STRBP: variants seen among roughly 807,000 people sequenced by gnomAD.
STRBP encodes the protein spermatid perinuclear RNA-binding protein.
Under a neutral mutation model 80.1 loss-of-function variants are expected in STRBP, and 13 were observed. The observed-to-expected ratio is 0.16, with a 90% CI of 0.11 to 0.26. The LOEUF is 0.26. Among genes scored for constraint, STRBP ranks in the 10% least tolerant of loss-of-function variants. The probability of loss-of-function intolerance (pLI) is 1.00; values close to 1 mark genes in which losing one functional copy is unlikely to be tolerated. For synonymous variants in STRBP, 284 were observed against 291.2 expected, an observed-to-expected ratio of 0.98 and a Z score of 0.25; for missense variants, 485 against 815.2, an observed-to-expected ratio of 0.59 and a Z score of 4.93.
intron 1 of STRBP, among the ~76,000 whole-genome samples, chr9:123,240,112 TC>T (rs1485084801): frequency 6.6e-6 from 1 of 152,238 alleles, no homozygotes; most frequent in African/African-American, 2.4e-5. Flanking sequence ...AAGTTCCAAC[TC>T]CTCCAAGAAA....
Position 123,125,035 on chromosome 9 carries a change from A to G in STRBP, c.*562T>C. The G allele has an allele frequency of 1.0e-6, 1 of 985,514 alleles. No individual in the cohort carries two copies. Among genetic ancestry groups the G allele is most frequent in the Non-Finnish European group, 1.2e-6 (1 of 829,586 alleles). The allele number at this position is 985,514 out of a possible 1,614,324, so 61.0% of individuals were successfully genotyped here. A position where few individuals can be genotyped will look rare whatever the true frequency, so the allele number is the denominator to read the frequency against. On this transcript the variant is annotated 3_prime_UTR_variant, in exon 19 of 19. Transcript: ENST00000348403. ...CATATCAAAAATAATAAGCTAAAAC[A>G]ATATTCAAACCCATATTTTATTGGC...
downstream of STRBP, among the ~76,000 whole-genome samples, chr9:123,119,771 CAT>C (rs2035701306): frequency 6.6e-6 from 1 of 152,154 alleles, no homozygotes; most frequent in Non-Finnish European, 1.5e-5. Flanking sequence ...CTGTTCAAAA[CAT>C]ATTATGTGTA....
Position 123,139,663 on chromosome 9 carries a change from T to C in STRBP, c.1363A>G (p.Thr455Ala), listed in dbSNP as rs764286244. 2 of 1,612,148 alleles carry C rather than the reference T, an allele frequency of 1.2e-6. No homozygotes were observed. Among genetic ancestry groups the C allele is most frequent in the Non-Finnish European group, 1.7e-6 (2 of 1,179,678 alleles). ...VKVLQAMGYP[T>A]GFDADIECMS... ...CATTCAATATCTGCATCAAAGCCTG[T>C]TGGATATCCCATTGCCTGCAATACC... Residue 455 changes from threonine (T) to alanine (A), a missense_variant, in exon 14 of 19, where the codon ACA becomes GCA. By Grantham distance (58) the Thr-to-Ala change is moderately conservative. Transcript: ENST00000348403.
At chr9:123,216,341 A>G (rs1181550349) in intron 2 of STRBP, among the ~76,000 whole-genome samples, 1 of 152,232 alleles carries the variant, frequency 6.6e-6, no homozygotes, top group African/African-American at 2.4e-5. Context: ...CAATGCCTAG[A>G]TAGTAAGCTC....
At chr9:123,199,357 A>T (rs1588087274) in intron 2 of STRBP, among the ~76,000 whole-genome samples, 1 of 152,316 alleles carries the variant, frequency 6.6e-6, no homozygotes, top group Middle Eastern at 3.4e-3. Context: ...GGCTTTGACT[A>T]CGCAGGCTCT....
At chr9:123,210,445 GA>G (rs1343530259) in intron 2 of STRBP, among the ~76,000 whole-genome samples, 1 of 150,542 alleles carries the variant, frequency 6.6e-6, no homozygotes, top group African/African-American at 2.4e-5. Flanking sequence ...CCAGGAGTAG[GA>G]TAAGAAAAAA....
chr9:123,180,813 T>C, intron 3 of STRBP: 1 of 557,494 alleles, frequency 1.8e-6, no homozygotes, highest in Non-Finnish European at 2.3e-6. Context: ...TTAGTGAGTT[T>C]TCCATAAAGC....
intron 2 of STRBP, among the ~76,000 whole-genome samples, chr9:123,201,134 A>G (rs2039311234): frequency 6.6e-6 from 1 of 152,032 alleles, no homozygotes; most frequent in Admixed American, 6.5e-5. Flanking sequence ...TTCTTGATTA[A>G]TCTAGCTCAT....
At position 123,181,321 on chromosome 9, in the gene STRBP, T is replaced by TA. The variant is rs1263476892; in HGVS notation, c.4-2095dup. ...GAGTTGGAAATGCTAGGCTGTTAGC[T>TA]AGGCTCATGTACTTGCTAAATTACC... On this transcript the variant is annotated intron_variant, in intron 3 of 18. Coordinates refer to ENST00000348403, the MANE Select transcript of STRBP (RefSeq NM_018387.5). 3.9e-5 allele frequency among the ~76,000 whole-genome samples: 6 copies of TA among 152,198 alleles called. No homozygotes were observed. The East Asian group carries it at 1.2e-3, about 29-fold the overall frequency.
At chr9:123,185,074 A>G (rs1348664357) in intron 2 of STRBP, among the ~76,000 whole-genome samples, 1 of 152,074 alleles carries the variant, frequency 6.6e-6, no homozygotes, top group East Asian at 1.9e-4. Context: ...TTATAAACCT[A>G]GCTACAAGAA....
chr9:123,194,008 G>C (rs1462728841), intron 2 of STRBP, among the ~76,000 whole-genome samples: 1 of 152,144 alleles, frequency 6.6e-6, no homozygotes, highest in Non-Finnish European at 1.5e-5. Flanking sequence ...TTAGTTGTAA[G>C]AATGACTAGG....
intron 2 of STRBP, among the ~76,000 whole-genome samples, chr9:123,200,015 G>A (rs554704200): frequency 6.6e-6 from 1 of 152,228 alleles, no homozygotes; most frequent in South Asian, 2.1e-4. Context: ...GTCATAGACG[G>A]CTTTTATTAT....
chr9:123,187,888 A>C lies in STRBP; in HGVS notation c.-164-3590T>G, dbSNP rs201206891. Among the ~76,000 whole-genome samples, 3 of 152,088 alleles carry C rather than the reference A, an allele frequency of 2.0e-5. No individual in the cohort carries two copies. In the East Asian group the frequency reaches 5.8e-4, roughly 29 times the overall value. On this transcript the variant is annotated intron_variant, in intron 2 of 18. Transcript: ENST00000348403. Reference sequence around the variant, plus strand: ...TATTATTAACTAAAGTTCATAGTTTACATTAGGGTTCACTCTTTGCATTGT... The same window carrying C: ...TATTATTAACTAAAGTTCATAGTTTCCATTAGGGTTCACTCTTTGCATTGT...
intron 2 of STRBP, among the ~76,000 whole-genome samples, chr9:123,233,972 G>C (rs745671022): frequency 1.3e-5 from 2 of 151,960 alleles, no homozygotes; most frequent in Non-Finnish European, 2.9e-5. Context: ...AGGCCAAGGC[G>C]GGCAGATCAC....
At chr9:123,249,199 C>T (rs1453851379) in intron 1 of STRBP, among the ~76,000 whole-genome samples, 7 of 152,048 alleles carry the variant, frequency 4.6e-5, no homozygotes, top group African/African-American at 1.7e-4. Context: ...ACAATGAGAC[C>T]CCATCTCCAC....
At chr9:123,150,846 G>A (rs1389788351) in intron 11 of STRBP, among the ~76,000 whole-genome samples, 1 of 152,104 alleles carries the variant, frequency 6.6e-6, no homozygotes, top group African/African-American at 2.4e-5. Flanking sequence ...AGATGAACGG[G>A]AAATATTTCT....
chr9:123,211,223 T>G (rs999326008), intron 2 of STRBP, among the ~76,000 whole-genome samples: 1 of 152,158 alleles, frequency 6.6e-6, no homozygotes, highest in Non-Finnish European at 1.5e-5. Context: ...TACAATGACA[T>G]GCAACATTAT....
At chr9:123,118,509 T>C (rs2035681142), downstream of STRBP, among the ~76,000 whole-genome samples, 1 of 151,838 alleles carries the variant, frequency 6.6e-6, no homozygotes, top group Admixed American at 6.5e-5. Context: ...TCAGAAGGAG[T>C]AAGTAATTAG....
chr9:123,137,837 GT>G (rs1449962826), intron 14 of STRBP, among the ~76,000 whole-genome samples: 1 of 152,186 alleles, frequency 6.6e-6, no homozygotes, highest in Non-Finnish European at 1.5e-5. Flanking sequence ...TTAAGGACAA[GT>G]TTAAAAACAT....
Sources: allele counts gnomAD v4.1 joint callset (sites outside exome capture counted in the v4.1 genomes callset), GRCh38; gene constraint gnomAD v4.1.1; transcripts MANE v1.5; gene names NCBI Gene and HGNC (gene_info 2026-07-23, HGNC 2026-07-21).